LGR5: variants seen among roughly 807,000 people sequenced by gnomAD.
The protein encoded by LGR5 is leucine rich repeat containing G protein-coupled receptor 5.
Under a neutral mutation model 76.7 loss-of-function variants are expected in LGR5, and 54 were observed. That is an observed-to-expected ratio of 0.70 (90% CI 0.57 to 0.88). The LOEUF is 0.88. LGR5 is among the 40% of genes least tolerant of loss of function. The pLI, the probability that LGR5 is intolerant of heterozygous loss-of-function variation, is 0.00. For missense variants in LGR5, 1,078 were observed against 1,073.3 expected, an observed-to-expected ratio of 1.00 and a Z score of -0.06; for synonymous variants, 406 against 421.9, an observed-to-expected ratio of 0.96 and a Z score of 0.46.
chr12:71,513,475 A>AC (rs1406794427), intron 2 of LGR5, among the ~76,000 whole-genome samples: 61 of 150,804 alleles, frequency 4.0e-4, no homozygotes, highest in Admixed American at 3.9e-3. Flanking sequence ...ATAATTAAAA[A>AC]CCCCCAATTT....
At chr12:71,534,075 T>A (rs1284501361) in intron 3 of LGR5, among the ~76,000 whole-genome samples, 1 of 152,168 alleles carries the variant, frequency 6.6e-6, no homozygotes, top group Non-Finnish European at 1.5e-5. Context: ...CAAATACAAG[T>A]TTGCAACTTA....
intron 4 of LGR5, among the ~76,000 whole-genome samples, chr12:71,550,280 A>C (rs1877411313): frequency 6.6e-6 from 1 of 150,906 alleles, no homozygotes; most frequent in South Asian, 2.1e-4. Flanking sequence ...CCTCCCAAGT[A>C]GCTGGGATTA....
In LGR5 at chr12:71,440,145, G is replaced by A. The variant is rs765235346; in HGVS notation, c.65G>A (p.Gly22Asp). Residue 22 changes from glycine to aspartate, a missense_variant, in exon 1 of 18, where the codon GGC becomes GAC. Physicochemically the swap from Gly to Asp is moderately conservative, Grantham distance 94. Coordinates refer to ENST00000266674, the MANE Select transcript of LGR5 (RefSeq NM_003667.4). This position sits in a 1 kb window ranked among gnomAD's most constrained non-coding sequence, Gnocchi z 5.3. Reference protein sequence around the residue: ...LPVLLQLATGGSSPRSGVLLR... With the variant: ...LPVLLQLATGDSSPRSGVLLR... ...GTGCTGCTGCAGCTGGCGACCGGGG[G>A]CAGCTCTCCCAGGTCTGGTGTGTTG... is the stretch of plus-strand genomic sequence containing the variant. 1 of 1,610,214 alleles carries A rather than the reference G, an allele frequency of 6.2e-7. No homozygotes were observed. Among genetic ancestry groups the A allele is most frequent in the Non-Finnish European group, 8.5e-7 (1 of 1,179,792 alleles).
chr12:71,455,258 A>C (rs1328531088), intron 1 of LGR5, among the ~76,000 whole-genome samples: 5 of 152,192 alleles, frequency 3.3e-5, no homozygotes, highest in African/African-American at 1.2e-4. Flanking sequence ...ATCTCTGGCA[A>C]GATGCATATC....
chr12:71,531,311 A>T lies in LGR5; in HGVS notation c.357-3804A>T, dbSNP rs146091464. On this transcript the variant is annotated intron_variant, in intron 3 of 17. Coordinates refer to ENST00000266674, the MANE Select transcript of LGR5 (RefSeq NM_003667.4). Reference sequence around the variant, plus strand: ...TCAATTGCACCCCCTAGCACTATAAACCTTGTAATTGTTTTCCCTCCCATT... The same window carrying T: ...TCAATTGCACCCCCTAGCACTATAATCCTTGTAATTGTTTTCCCTCCCATT... Among the ~76,000 whole-genome samples the T allele has an allele frequency of 3.3e-3, 503 of 152,300 alleles. 11 individuals are homozygous for T. The East Asian group carries it at 0.065, about 20-fold the overall frequency.
rs10629001 is a variant in LGR5, at chr12:71,548,301, C to CTGTGTGTG, written c.429-4755_429-4748dup. 3.4e-3 allele frequency among the ~76,000 whole-genome samples: 349 copies of CTGTGTGTG among 104,092 alleles called. 1 individual carries two copies. Among genetic ancestry groups the CTGTGTGTG allele is most frequent in the East Asian group, 0.011 (47 of 4,342 alleles). The allele number at this position is 104,092 out of a possible 152,430, so 68.3% of individuals were successfully genotyped here. On this transcript the variant is annotated intron_variant, in intron 4 of 17. Transcript: ENST00000266674. Reference sequence around the variant, plus strand: ...GAACAAAACTATTTGCCTTGTTGCACTGTGTGTGTGTGTGTGTGTGTGTGC... The same window carrying CTGTGTGTG: ...GAACAAAACTATTTGCCTTGTTGCACTGTGTGTGTGTGTGTGTGTGTGTGTGTGTGTGC...
At chr12:71,489,886 G>C (rs996824451) in intron 1 of LGR5, among the ~76,000 whole-genome samples, 16 of 151,792 alleles carry the variant, frequency 1.1e-4, no homozygotes, top group South Asian at 2.1e-4. Flanking sequence ...AACATAGTGA[G>C]AAGCCATCTC....
intron 11 of LGR5, among the ~76,000 whole-genome samples, chr12:71,570,574 G>A (rs1365114579): frequency 6.6e-6 from 1 of 152,124 alleles, no homozygotes; most frequent in East Asian, 1.9e-4. Context: ...TTGTGCATAG[G>A]TGTGAGATTT....
chr12:71,574,906 C>T (rs902169847), intron 13 of LGR5, among the ~76,000 whole-genome samples: 13 of 152,182 alleles, frequency 8.5e-5, no homozygotes, highest in African/African-American at 2.7e-4. Context: ...GTAGACTATG[C>T]CATACCTGAA....
At chr12:71,505,766 A>C (rs565936543) in intron 2 of LGR5, among the ~76,000 whole-genome samples, 4 of 152,312 alleles carry the variant, frequency 2.6e-5, no homozygotes, top group Admixed American at 2.6e-4. Flanking sequence ...TTGTTTTACT[A>C]CCAAAATCAG....
In LGR5 at chr12:71,528,695, A is replaced by C. The variant is rs1049255693; in HGVS notation, c.356+4218A>C. Among the ~76,000 whole-genome samples, 11 of 152,276 alleles carry C rather than the reference A, an allele frequency of 7.2e-5. 1 individual carries two copies. Among genetic ancestry groups the C allele is most frequent in the Middle Eastern group, 6.8e-3 (2 of 294 alleles). ...AAAGTTTTTAGAGCACAATCATATG[A>C]AATTTATGTTGTGATAATTATATAA... On this transcript the variant is annotated intron_variant, in intron 3 of 17. Coordinates refer to ENST00000266674, the MANE Select transcript of LGR5 (RefSeq NM_003667.4).
At chr12:71,521,670 C>A (rs539266274) in intron 2 of LGR5, among the ~76,000 whole-genome samples, 2 of 152,240 alleles carry the variant, frequency 1.3e-5, no homozygotes, top group East Asian at 3.9e-4. Flanking sequence ...TGCTAAAATT[C>A]TGGGTCGGGA....
intron 2 of LGR5, among the ~76,000 whole-genome samples, chr12:71,522,677 T>A (rs1173103032): frequency 1.3e-5 from 2 of 152,152 alleles, no homozygotes; most frequent in Admixed American, 6.6e-5. Context: ...AACACTTCTT[T>A]AGGTACCACG....
chr12:71,475,252 A>G (rs1873277236), intron 1 of LGR5, among the ~76,000 whole-genome samples: 1 of 152,246 alleles, frequency 6.6e-6, no homozygotes, highest in African/African-American at 2.4e-5. Flanking sequence ...CTATCAAGAA[A>G]GAAGGAAAAT....
chr12:71,493,578 T>C (rs879674158), intron 1 of LGR5, among the ~76,000 whole-genome samples: 9 of 151,084 alleles, frequency 6.0e-5, no homozygotes, highest in Non-Finnish European at 1.3e-4. Flanking sequence ...AAAAATGTAA[T>C]TGAGCAAAAG....
In LGR5 at chr12:71,509,825, C is replaced by A. The variant is rs573554721; in HGVS notation, c.284+5140C>A. Reference sequence around the variant, plus strand: ...CGATTTAGAAAAGAAACATGAGAAGCTCTAGGGGGGTCTGTTTTTAAGTTA... The same window carrying A: ...CGATTTAGAAAAGAAACATGAGAAGATCTAGGGGGGTCTGTTTTTAAGTTA... On this transcript the variant is annotated intron_variant, in intron 2 of 17. Transcript: ENST00000266674. Among the ~76,000 whole-genome samples the A allele has an allele frequency of 3.9e-5, 6 of 152,244 alleles. No individual in the cohort carries two copies. The South Asian group carries it at 1.0e-3, about 26-fold the overall frequency.
intron 1 of LGR5, among the ~76,000 whole-genome samples, chr12:71,463,745 C>T (rs1410181987): frequency 1.3e-5 from 2 of 152,048 alleles, no homozygotes; most frequent in Non-Finnish European, 2.9e-5. Context: ...ATTAGTATCT[C>T]TGCAACAAAC....
intron 1 of LGR5, among the ~76,000 whole-genome samples, chr12:71,451,531 A>G (rs1010035887): frequency 2.6e-5 from 4 of 152,080 alleles, no homozygotes; most frequent in Admixed American, 6.5e-5. Flanking sequence ...GAGTCTTTCC[A>G]TACTCAGCTC....
rs1383267326 is a variant in LGR5 at position 71,495,072 on chromosome 12, C to A, written c.213-9542C>A. 2.8e-5 allele frequency among the ~76,000 whole-genome samples: 4 copies of A among 144,806 alleles called. No individual in the cohort carries two copies. The East Asian group carries it at 5.8e-4, about 21-fold the overall frequency. The allele number at this position is 144,806 out of a possible 152,430, so 95.0% of individuals were successfully genotyped here. ...GGTGGCATGGCCCAAGGATTTGGGG[C>A]GTAGTCGGGGGGGGTCTCCTTTGAA... is the stretch of plus-strand genomic sequence containing the variant. On this transcript the variant is annotated intron_variant, in intron 1 of 17. Transcript: ENST00000266674.
Sources: allele counts gnomAD v4.1 joint callset (sites outside exome capture counted in the v4.1 genomes callset), GRCh38; gene constraint gnomAD v4.1.1; non-coding constraint Gnocchi (gnomAD v3.1); transcripts MANE v1.5; gene names NCBI Gene and HGNC (gene_info 2026-07-23, HGNC 2026-07-21).